Variants in DPF3 observed in about 807,000 individuals in gnomAD.
DPF3 encodes the protein zinc finger protein DPF3.
Under a neutral mutation model 56.8 loss-of-function variants are expected in DPF3, and 18 were observed. The observed-to-expected ratio is 0.32, with a 90% confidence interval of 0.22 to 0.47. The LOEUF is 0.47. Among genes scored for constraint, DPF3 ranks in the 20% least tolerant of loss-of-function variants. The pLI, the probability that DPF3 is intolerant of heterozygous loss-of-function variation, is 1.00. For synonymous variants in DPF3, 188 were observed against 180.2 expected (o/e 1.04, Z -0.35); for missense variants, 403 against 488.8 (o/e 0.82, Z 1.65).
chr14:72,810,239 C>A (rs1882978537), intron 1 of DPF3, among the ~76,000 whole-genome samples: 3 of 152,190 alleles, frequency 2.0e-5, no homozygotes, highest in African/African-American at 7.2e-5. Flanking sequence ...GCAACATACC[C>A]GCCCCATCCC....
intron 7 of DPF3, among the ~76,000 whole-genome samples, chr14:72,690,169 C>T (rs894270294): frequency 2.0e-5 from 3 of 152,190 alleles, no homozygotes; most frequent in East Asian, 1.9e-4. Flanking sequence ...CGTAGGCAGA[C>T]GTCTCCACAT....
chr14:72,887,911 T>C (rs1886610526), intron 1 of DPF3, among the ~76,000 whole-genome samples: 1 of 152,174 alleles, frequency 6.6e-6, no homozygotes, highest in African/African-American at 2.4e-5. Context: ...AAAAACTTTC[T>C]GGTGGAGCTT....
chr14:72,826,423 C>T (rs1389087551), intron 1 of DPF3, among the ~76,000 whole-genome samples: 5 of 152,162 alleles, frequency 3.3e-5, no homozygotes, highest in African/African-American at 1.2e-4. Flanking sequence ...GTCTGAAAAG[C>T]AAGGGATCCA....
chr14:72,709,070 A>G (rs190216187), intron 6 of DPF3, among the ~76,000 whole-genome samples: 26 of 152,346 alleles, frequency 1.7e-4, no homozygotes, highest in African/African-American at 6.0e-4. Context: ...CACTGCCAAG[A>G]AACAAGAGAC....
intron 1 of DPF3, among the ~76,000 whole-genome samples, chr14:72,855,343 A>G (rs1885134136): frequency 6.6e-6 from 1 of 152,236 alleles, no homozygotes; most frequent in Non-Finnish European, 1.5e-5. Flanking sequence ...TTTTCAAAAG[A>G]GATTTCACAT....
In DPF3 at chr14:72,663,166, C is replaced by CAAAAAAAAAAAAAAAAA. The variant is rs56335418; in HGVS notation, c.871+11057_871+11073dup. 4.2e-4 allele frequency among the ~76,000 whole-genome samples: 37 copies of CAAAAAAAAAAAAAAAAA among 88,530 alleles called. 1 individual carries two copies. Among genetic ancestry groups the CAAAAAAAAAAAAAAAAA allele is most frequent in the African/African-American group, 1.6e-3 (35 of 22,248 alleles). 58.1% of individuals were successfully genotyped at this position (88,530 alleles called of 152,430 possible). A position where few individuals can be genotyped will look rare whatever the true frequency, so the allele number is the denominator to read the frequency against. ...TGTAGCAGGCAGAACTGGGTGTTAGCAAAAAAAAAAAAAAAAAATTCCCCT... is the reference window on the plus strand; with the variant it reads ...TGTAGCAGGCAGAACTGGGTGTTAGCAAAAAAAAAAAAAAAAAAAAAAAAAAAAAAAAAAATTCCCCT... On this transcript the variant is annotated intron_variant, in intron 8 of 10. Transcript: ENST00000556509.
At chr14:72,658,557 C>G (rs1450680505) in intron 8 of DPF3, among the ~76,000 whole-genome samples, 1 of 152,136 alleles carries the variant, frequency 6.6e-6, no homozygotes, top group Non-Finnish European at 1.5e-5. Context: ...CTGTACAACT[C>G]TACCCAGAGT....
At chr14:72,790,865 G>T (rs1029350384) in intron 1 of DPF3, among the ~76,000 whole-genome samples, 1 of 152,094 alleles carries the variant, frequency 6.6e-6, no homozygotes, top group Admixed American at 6.5e-5. Flanking sequence ...TCCTCCATTG[G>T]TCCCTCCAGA....
intron 3 of DPF3, among the ~76,000 whole-genome samples, chr14:72,745,086 AG>A (rs1426711235): frequency 2.4e-5 from 2 of 83,276 alleles, no homozygotes; most frequent in Admixed American, 3.3e-4. Flanking sequence ...AGGCATCCTC[AG>A]GGGGTGGGTG....
chr14:72,893,704 C>T (rs1227829936), intron 1 of DPF3, among the ~76,000 whole-genome samples: 3 of 151,598 alleles, frequency 2.0e-5, no homozygotes, highest in African/African-American at 4.8e-5. Context: ...GCTCCCTGCC[C>T]GCGAGGCGGG....
intron 1 of DPF3, among the ~76,000 whole-genome samples, chr14:72,818,272 T>C (rs1378183090): frequency 6.7e-6 from 1 of 148,876 alleles, no homozygotes; most frequent in South Asian, 2.1e-4. Flanking sequence ...GAAGAAAACA[T>C]GGGGAAAATC....
chr14:72,791,783 T>C (rs1456553942), intron 1 of DPF3, among the ~76,000 whole-genome samples: 10 of 152,178 alleles, frequency 6.6e-5, no homozygotes, highest in Non-Finnish European at 1.3e-4. Flanking sequence ...AACTACTAAG[T>C]GGATGAACTG....
intron 1 of DPF3, among the ~76,000 whole-genome samples, chr14:72,785,467 C>T (rs57227480): frequency 0.032 from 4,825 of 152,218 alleles, 248 homozygotes; most frequent in African/African-American, 0.11. Context: ...TTACTCTTGG[C>T]CACTGCACTG....
At chr14:72,768,137 A>C (rs983916781) in intron 2 of DPF3, among the ~76,000 whole-genome samples, 4 of 152,210 alleles carry the variant, frequency 2.6e-5, no homozygotes, top group Admixed American at 2.0e-4. Flanking sequence ...TTTACTCTAA[A>C]AGAATGGCTA....
At chr14:72,701,937 T>C (rs984864367) in intron 6 of DPF3, among the ~76,000 whole-genome samples, 1 of 152,186 alleles carries the variant, frequency 6.6e-6, no homozygotes, top group South Asian at 2.1e-4. Flanking sequence ...CCACCATGCC[T>C]GTCATCTGCC....
rs184904197 is a variant in DPF3 at position 72,678,741 on chromosome 14, T to G, written c.743-4373A>C. Among the ~76,000 whole-genome samples the G allele has an allele frequency of 3.1e-3, 467 of 152,348 alleles. 3 individuals are homozygous for G. The highest frequency in any genetic ancestry group is 0.011 in the African/African-American group (441 of 41,576). ...GGAGGGCAAAGACCCGACTGGCATC[T>G]CTATGGCAGCATCTGCGATGATGGA... is the stretch of plus-strand genomic sequence containing the variant. On this transcript the variant is annotated intron_variant, in intron 7 of 10. Coordinates refer to ENST00000556509, the MANE Select transcript of DPF3 (RefSeq NM_001280542.3).
At chr14:72,721,816 AAC>A (rs1889184746) in intron 5 of DPF3, among the ~76,000 whole-genome samples, 1 of 152,240 alleles carries the variant, frequency 6.6e-6, no homozygotes, top group South Asian at 2.1e-4. Flanking sequence ...GTTTTCAGGA[AAC>A]ACAGAGGATG....
intron 9 of DPF3, among the ~76,000 whole-genome samples, chr14:72,628,678 G>GGA (rs905859648): frequency 4.0e-5 from 6 of 151,798 alleles, no homozygotes; most frequent in Non-Finnish European, 8.8e-5. Flanking sequence ...GTTGGTGAGA[G>GGA]GAGAGAGAGA....
In DPF3 at chr14:72,679,906, G is replaced by A. The variant is rs145564186; in HGVS notation, c.743-5538C>T. Among the ~76,000 whole-genome samples the A allele has an allele frequency of 6.6e-5, 10 of 152,374 alleles. No individual in the cohort carries two copies. In the South Asian group the frequency reaches 1.4e-3, roughly 22 times the overall value. ...GGAAGCTTGGGGGCCGGAGATGAGAGGGTGGGGAGTAAGGGTGGACCCCGA... is the reference window on the plus strand; with the variant it reads ...GGAAGCTTGGGGGCCGGAGATGAGAAGGTGGGGAGTAAGGGTGGACCCCGA... On this transcript the variant is annotated intron_variant, in intron 7 of 10. Coordinates refer to ENST00000556509, the MANE Select transcript of DPF3 (RefSeq NM_001280542.3).
Sources: allele counts gnomAD v4.1 joint callset (sites outside exome capture counted in the v4.1 genomes callset), GRCh38; gene constraint gnomAD v4.1.1; transcripts MANE v1.5; gene names NCBI Gene and HGNC (gene_info 2026-07-23, HGNC 2026-07-21).